Variants in SEMA6D observed in about 807,000 individuals in gnomAD.
SEMA6D encodes the protein semaphorin-6D.
SEMA6D carries 35 observed loss-of-function variants against 106.6 expected under a neutral mutation model. The observed-to-expected ratio is 0.33, with a 90% CI of 0.25 to 0.44. The LOEUF (loss-of-function observed/expected upper bound fraction) is 0.44, where lower values mean the gene tolerates loss of function less well. Among genes scored for constraint, SEMA6D ranks in the 20% least tolerant of loss-of-function variants. The pLI is 1.00. For synonymous variants in SEMA6D, 499 were observed against 487.7 expected (o/e 1.02, Z -0.31); for missense variants, 1,185 against 1,345.9 (o/e 0.88, Z 1.87).
At chr15:47,658,167 T>C (rs568040419) in intron 4 of SEMA6D, among the ~76,000 whole-genome samples, 1 of 152,322 alleles carries the variant, frequency 6.6e-6, no homozygotes, top group Admixed American at 6.5e-5. Flanking sequence ...TATCATGTTA[T>C]TGACTTATAA....
intron 3 of SEMA6D, among the ~76,000 whole-genome samples, chr15:47,491,853 C>T (rs562460377): frequency 4.4e-4 from 67 of 152,190 alleles, no homozygotes; most frequent in African/African-American, 1.6e-3. Context: ...TGGTTTGTGC[C>T]TGCCTAGAGC....
At chr15:47,265,379 C>A (rs993292) in intron 1 of SEMA6D, among the ~76,000 whole-genome samples, 44,153 of 151,464 alleles carry the variant, frequency 0.29, 6,802 homozygotes, top group Middle Eastern at 0.44. Context: ...TTTAAGTTAT[C>A]TAATTTATAT....
chr15:47,768,435 A>G (rs2082458828), intron 17 of SEMA6D, 146 bp from the exon 18 acceptor site: 6 of 576,138 alleles, frequency 1.0e-5, no homozygotes, highest in Admixed American at 3.2e-5. Flanking sequence ...AAGGAATTTG[A>G]TGTAGCTTCC....
At chr15:47,359,586 A>G (rs2038721243) in intron 1 of SEMA6D, 1 of 152,180 alleles carries the variant, frequency 6.6e-6, no homozygotes, top group Non-Finnish European at 1.5e-5. Context: ...GTTATGATAG[A>G]TTTCAAGCAC....
At chr15:47,703,943 T>C (rs1295598780) in intron 4 of SEMA6D, among the ~76,000 whole-genome samples, 2 of 152,116 alleles carry the variant, frequency 1.3e-5, no homozygotes, top group Admixed American at 1.3e-4. Flanking sequence ...TCACAGTACA[T>C]GGGGGTGTGT....
intron 1 of SEMA6D, chr15:47,359,346 A>T (rs572133871): frequency 8.5e-5 from 13 of 152,124 alleles, no homozygotes; most frequent in Admixed American, 5.9e-4. Context: ...TGTTTCCTTA[A>T]CCATAATAAT....
intron 3 of SEMA6D, among the ~76,000 whole-genome samples, chr15:47,541,170 A>G (rs1375329613): frequency 6.6e-6 from 1 of 152,156 alleles, no homozygotes; most frequent in Non-Finnish European, 1.5e-5. Context: ...GCAACATAGT[A>G]AAGAACATTG....
intron 1 of SEMA6D, among the ~76,000 whole-genome samples, chr15:47,361,438 A>G (rs1354410130): frequency 6.6e-6 from 1 of 152,226 alleles, no homozygotes; most frequent in Non-Finnish European, 1.5e-5. Flanking sequence ...CAGCGCTGAC[A>G]ATGATTTCTA....
intron 2 of SEMA6D, among the ~76,000 whole-genome samples, chr15:47,463,763 C>G (rs1273633685): frequency 6.6e-6 from 1 of 152,164 alleles, no homozygotes; most frequent in African/African-American, 2.4e-5. Context: ...TCTCCCAGTT[C>G]TGGAGGCCAG....
intron 1 of SEMA6D, among the ~76,000 whole-genome samples, chr15:47,327,834 G>GGGT (rs1221653458): frequency 2.6e-5 from 4 of 152,212 alleles, no homozygotes; most frequent in Non-Finnish European, 4.4e-5. Context: ...CCAAGAGAAA[G>GGGT]GGTGGTGGTG....
intron 1 of SEMA6D, among the ~76,000 whole-genome samples, chr15:47,344,366 G>A (rs1367936360): frequency 6.6e-6 from 1 of 152,084 alleles, no homozygotes; most frequent in Non-Finnish European, 1.5e-5. Context: ...AAATAACAAT[G>A]GATAAAATAT....
intron 3 of SEMA6D, among the ~76,000 whole-genome samples, chr15:47,573,149 G>A (rs1176525098): frequency 6.6e-6 from 1 of 151,574 alleles, no homozygotes; most frequent in Non-Finnish European, 1.5e-5. Flanking sequence ...AATAGTGAAG[G>A]CAAAAGTGAA....
chr15:47,580,167 T>C (rs754453868), intron 3 of SEMA6D, among the ~76,000 whole-genome samples: 1 of 152,178 alleles, frequency 6.6e-6, no homozygotes, highest in Non-Finnish European at 1.5e-5. Context: ...GACACACTTA[T>C]ATGGAGCGGA....
chr15:47,368,505 C>G (rs2145327625), intron 1 of SEMA6D, among the ~76,000 whole-genome samples: 1 of 152,040 alleles, frequency 6.6e-6, no homozygotes, highest in Middle Eastern at 3.4e-3. Flanking sequence ...GAGTCTCGCT[C>G]TGTCGCCCAG....
At chr15:47,747,556 T>C (rs1825753201) in intron 1 of SEMA6D, among the ~76,000 whole-genome samples, 1 of 152,222 alleles carries the variant, frequency 6.6e-6, no homozygotes, top group African/African-American at 2.4e-5. Flanking sequence ...ACATAAAATA[T>C]AACTCAAATA....
chr15:47,512,789 G>A (rs951170140), intron 3 of SEMA6D, among the ~76,000 whole-genome samples: 8 of 152,144 alleles, frequency 5.3e-5, no homozygotes, highest in African/African-American at 1.9e-4. Flanking sequence ...TGACAGAATT[G>A]GTGACTATGG....
chr15:47,467,654 G>A (rs1023130865), intron 2 of SEMA6D, among the ~76,000 whole-genome samples: 10 of 152,128 alleles, frequency 6.6e-5, no homozygotes, highest in African/African-American at 9.7e-5. Context: ...AAGTGGAGCT[G>A]TTTCTCTCTT....
At chr15:47,458,014 G>T (rs1380316124) in intron 2 of SEMA6D, among the ~76,000 whole-genome samples, 1 of 151,766 alleles carries the variant, frequency 6.6e-6, no homozygotes, top group Non-Finnish European at 1.5e-5. Flanking sequence ...AGTACTGAAA[G>T]AATAAAATTT....
intron 1 of SEMA6D, among the ~76,000 whole-genome samples, chr15:47,256,222 T>G (rs944921620): frequency 6.6e-6 from 1 of 152,178 alleles, no homozygotes; most frequent in Non-Finnish European, 1.5e-5. Flanking sequence ...ACCTTGTCTC[T>G]TAATAAAAGA....
Sources: gnomAD v4.1 joint callset for allele counts (sites outside exome capture counted in the v4.1 genomes callset) on GRCh38, gnomAD v4.1.1 for gene constraint, MANE v1.5 for transcripts, NCBI Gene and HGNC (gene_info 2026-07-23, HGNC 2026-07-21) for gene names.